The following MARCHF8 variants were observed in gnomAD, a reference collection of about 807,000 sequenced individuals.
MARCHF8 encodes E3 ubiquitin-protein ligase MARCHF8.
Under a neutral mutation model 51.6 loss-of-function variants are expected in MARCHF8, and 40 were observed. The ratio of observed to expected loss-of-function variants is 0.77; its 90% confidence interval spans 0.60 to 1.01. The LOEUF (loss-of-function observed/expected upper bound fraction) is 1.01, where lower values mean the gene tolerates loss of function less well. Among genes scored for constraint, MARCHF8 ranks in the 50% least tolerant of loss-of-function variants. MARCHF8 has a pLI of 0.00. For missense variants in MARCHF8, 685 were observed against 708.6 expected (o/e 0.97, Z 0.38); for synonymous variants, 263 against 280.3 (o/e 0.94, Z 0.62).
chr10:45,544,001 G>A (rs541631668), intron 1 of MARCHF8, among the ~76,000 whole-genome samples: 4 of 151,904 alleles, frequency 2.6e-5, no homozygotes, highest in East Asian at 1.9e-4. Flanking sequence ...CCATGTGTTC[G>A]AGGCTACAGT....
At chr10:45,496,768 G>GAA (rs1033996066) in intron 2 of MARCHF8, among the ~76,000 whole-genome samples, 11 of 151,034 alleles carry the variant, frequency 7.3e-5, no homozygotes, top group African/African-American at 2.2e-4. Context: ...GATTCTGTTA[G>GAA]AAAAATATAT....
In MARCHF8 at chr10:45,586,703, T is replaced by C. The variant is rs114454495; in HGVS notation, c.-79+7532A>G. Among the ~76,000 whole-genome samples the C allele has an allele frequency of 5.6e-3, 857 of 152,242 alleles. 7 individuals are homozygous for C. Among genetic ancestry groups the C allele is most frequent in the African/African-American group, 0.02 (813 of 41,576 alleles). Reference sequence around the variant, plus strand: ...AAAAGTTGCTCATAATTTCCTTTAATAAATATATTGGGAATTTTTAGTATG... The same window carrying C: ...AAAAGTTGCTCATAATTTCCTTTAACAAATATATTGGGAATTTTTAGTATG... On this transcript the variant is annotated intron_variant, in intron 1 of 6. Transcript: ENST00000319836.
In MARCHF8 at chr10:45,527,535, C is replaced by A. The variant is rs575061224; in HGVS notation, c.102+5575G>T. Reference sequence around the variant, plus strand: ...GATGAAACAGGTAAATTCCTAAAGACACACAACCTCTCAAGAATGAACTAA... The same window carrying A: ...GATGAAACAGGTAAATTCCTAAAGAAACACAACCTCTCAAGAATGAACTAA... On this transcript the variant is annotated intron_variant, in intron 2 of 7. Coordinates refer to ENST00000453424, the MANE Select transcript of MARCHF8 (RefSeq NM_001282866.2). Among the ~76,000 whole-genome samples, 14 of 152,164 alleles carry A rather than the reference C, an allele frequency of 9.2e-5. No individual in the cohort carries two copies. In the South Asian group the frequency reaches 2.9e-3, roughly 32 times the overall value.
chr10:45,538,273 ATTTTG>A (rs1417870785), upstream of MARCHF8, among the ~76,000 whole-genome samples: 1 of 152,210 alleles, frequency 6.6e-6, no homozygotes, highest in African/African-American at 2.4e-5. Context: ...ATGCTGAGAG[ATTTTG>A]TCACCACCAG....
chr10:45,561,900 CAAAA>C (rs34329041), intron 1 of MARCHF8, among the ~76,000 whole-genome samples: 30 of 41,546 alleles, frequency 7.2e-4, no homozygotes, highest in African/African-American at 2.3e-3. Flanking sequence ...GACTCCGTCT[CAAAA>C]AAAAAAAAAA....
intron 2 of MARCHF8, among the ~76,000 whole-genome samples, chr10:45,504,878 C>T (rs2043351570): frequency 6.6e-6 from 1 of 152,134 alleles, no homozygotes; most frequent in Admixed American, 6.5e-5. Flanking sequence ...GTCCCTCTTC[C>T]TCCTGAGTAG....
rs115355800 is a variant in MARCHF8, at chr10:45,464,233, T to C, written c.242+6A>G. 1.1e-3 allele frequency: 1,743 copies of C among 1,612,884 alleles called. 25 individuals carry two copies. In the African/African-American group the frequency reaches 0.021, roughly 19 times the overall value. ...GATCATGGCAGCATCTGAAGCAGAG[T>C]GTTACCTGCAGATGTCCTGGCTGGA... On this transcript the variant is annotated splice_donor_region_variant and intron_variant, in intron 4 of 7. Coordinates refer to ENST00000453424, the MANE Select transcript of MARCHF8 (RefSeq NM_001282866.2).
At chr10:45,589,916 T>C in intron 1 of MARCHF8, among the ~76,000 whole-genome samples, 1 of 152,244 alleles carries the variant, frequency 6.6e-6, no homozygotes, top group Non-Finnish European at 1.5e-5. Context: ...TTCATTTCTC[T>C]TGGGTATATA....
intron 1 of MARCHF8, among the ~76,000 whole-genome samples, chr10:45,582,436 A>G (rs2133426378): frequency 6.6e-6 from 1 of 152,150 alleles, no homozygotes; most frequent in East Asian, 1.9e-4. Flanking sequence ...TGTAAAATGC[A>G]CTCCCCCCAC....
intron 2 of MARCHF8, among the ~76,000 whole-genome samples, chr10:45,519,385 AGGAAGGAGACATAAG>A (rs1251109864): frequency 2.0e-5 from 3 of 152,190 alleles, no homozygotes; most frequent in African/African-American, 7.2e-5. Flanking sequence ...GAGAACAGAA[AGGAAGGAGACATAAG>A]GGAAGGTTTG....
At chr10:45,459,357 C>A in intron 6 of MARCHF8, 90 bp from the exon 7 acceptor site, 2 of 1,391,038 alleles carry the variant, frequency 1.4e-6, no homozygotes, top group East Asian at 2.4e-5. Flanking sequence ...GATTGGCTTT[C>A]CACCCCACTT....
At chr10:45,484,942 T>C (rs1036742506) in intron 3 of MARCHF8, among the ~76,000 whole-genome samples, 5 of 151,616 alleles carry the variant, frequency 3.3e-5, no homozygotes, top group African/African-American at 7.3e-5. Flanking sequence ...CACTGAAGAA[T>C]TGAAAAGAGA....
chr10:45,500,550 T>C (rs1042103381), intron 2 of MARCHF8, among the ~76,000 whole-genome samples: 4 of 152,178 alleles, frequency 2.6e-5, no homozygotes, highest in African/African-American at 7.2e-5. Context: ...ATGACTATAA[T>C]GTCAGCTGCA....
At chr10:45,563,193 A>AT (rs1286238002) in intron 1 of MARCHF8, among the ~76,000 whole-genome samples, 1 of 151,906 alleles carries the variant, frequency 6.6e-6, no homozygotes. Context: ...TACCTGGGTA[A>AT]TTTTTTTATT....
intron 1 of MARCHF8, among the ~76,000 whole-genome samples, chr10:45,555,526 C>T (rs1008520936): frequency 6.6e-6 from 1 of 150,950 alleles, no homozygotes; most frequent in Non-Finnish European, 1.5e-5. Context: ...CTCTTGAGGG[C>T]CAAGAGTTCA....
chr10:45,542,561 G>A (rs989561650), intron 1 of MARCHF8, among the ~76,000 whole-genome samples: 1 of 152,070 alleles, frequency 6.6e-6, no homozygotes, highest in Non-Finnish European at 1.5e-5. Flanking sequence ...GCAGAGTACT[G>A]TAGCAGACTA....
At chr10:45,538,467 T>C (rs2044005032), upstream of MARCHF8, among the ~76,000 whole-genome samples, 1 of 152,234 alleles carries the variant, frequency 6.6e-6, no homozygotes, top group Middle Eastern at 3.4e-3. Flanking sequence ...CACATAACAA[T>C]ATTAACCTTA....
At chr10:45,576,679 T>A (rs1407799400) in intron 1 of MARCHF8, among the ~76,000 whole-genome samples, 3 of 151,530 alleles carry the variant, frequency 2.0e-5, no homozygotes, top group Non-Finnish European at 4.4e-5. Context: ...CCTAGCACTC[T>A]GGGAGGCCAA....
At chr10:45,530,484 C>T (rs72798213) in intron 2 of MARCHF8, among the ~76,000 whole-genome samples, 104 of 152,282 alleles carry the variant, frequency 6.8e-4, no homozygotes, top group Non-Finnish European at 1.4e-3. Flanking sequence ...TAAACTTTTA[C>T]TTAAAAATGA....
Sources: allele counts gnomAD v4.1 joint callset (sites outside exome capture counted in the v4.1 genomes callset), GRCh38; gene constraint gnomAD v4.1.1; transcripts MANE v1.5; gene names NCBI Gene and HGNC (gene_info 2026-07-23, HGNC 2026-07-21).